NKAIN2: variants seen among roughly 807,000 people sequenced by gnomAD.
NKAIN2 encodes the protein sodium/potassium transporting ATPase interacting 2.
A neutral mutation model predicts 32.6 loss-of-function variants in NKAIN2; 14 were observed. The ratio of observed to expected loss-of-function variants is 0.43; its 90% CI spans 0.28 to 0.67. The LOEUF is 0.67. NKAIN2 is among the 30% of genes least tolerant of loss of function. The pLI is 0.17. For missense variants in NKAIN2, 198 were observed against 258.3 expected (o/e 0.77, Z 1.60); for synonymous variants, 80 against 87.2 (o/e 0.92, Z 0.46).
intron 1 of NKAIN2, among the ~76,000 whole-genome samples, chr6:124,211,648 G>A (rs1174071234): frequency 6.6e-6 from 1 of 151,984 alleles, no homozygotes; most frequent in East Asian, 1.9e-4. Flanking sequence ...TGTAATAGCT[G>A]TTGTCCATAG....
intron 1 of NKAIN2, among the ~76,000 whole-genome samples, chr6:124,074,999 T>G (rs1360140177): frequency 6.6e-6 from 1 of 152,158 alleles, no homozygotes; most frequent in Non-Finnish European, 1.5e-5. Context: ...ATTAGAATAA[T>G]GAAGGATGAA....
At chr6:124,385,369 T>C (rs1372078375) in intron 3 of NKAIN2, among the ~76,000 whole-genome samples, 1 of 152,060 alleles carries the variant, frequency 6.6e-6, no homozygotes, top group Non-Finnish European at 1.5e-5. Flanking sequence ...TATAGACCTG[T>C]TGGGAGGCTT....
chr6:123,881,028 T>C (rs933426248), intron 1 of NKAIN2, among the ~76,000 whole-genome samples: 2 of 152,094 alleles, frequency 1.3e-5, no homozygotes, highest in Non-Finnish European at 2.9e-5. Flanking sequence ...CCACAAATGG[T>C]GTACTGAGTT....
intron 3 of NKAIN2, among the ~76,000 whole-genome samples, chr6:124,558,798 A>C (rs1780573682): frequency 1.3e-5 from 2 of 152,092 alleles, no homozygotes; most frequent in South Asian, 4.1e-4. Flanking sequence ...AAATACAAAA[A>C]ATTAGCCGGG....
chr6:124,664,665 G>T (rs988816562), intron 4 of NKAIN2, among the ~76,000 whole-genome samples: 3 of 148,290 alleles, frequency 2.0e-5, no homozygotes, highest in African/African-American at 7.4e-5. Context: ...GTAGTGGCGG[G>T]CGCCTGTAGT....
intron 4 of NKAIN2, among the ~76,000 whole-genome samples, chr6:124,738,067 A>G (rs1040185402): frequency 9.2e-5 from 14 of 151,946 alleles, no homozygotes; most frequent in Non-Finnish European, 1.9e-4. Flanking sequence ...CAAAGAGCCA[A>G]TGTTAATCAC....
intron 2 of NKAIN2, among the ~76,000 whole-genome samples, chr6:124,311,725 A>G (rs1796725650): frequency 6.6e-6 from 1 of 152,178 alleles, no homozygotes; most frequent in Admixed American, 6.6e-5. Context: ...TGGTATCGTT[A>G]GTGATTATAA....
At chr6:123,879,508 G>C (rs529167055) in intron 1 of NKAIN2, among the ~76,000 whole-genome samples, 2 of 152,152 alleles carry the variant, frequency 1.3e-5, no homozygotes, top group East Asian at 3.9e-4. Context: ...TAGTGCTCCA[G>C]GTTATTGACA....
rs372249563 is a variant in NKAIN2, at chr6:124,347,907, C to T, written c.193-7360C>T. The stretch of plus-strand genomic sequence containing the variant: ...CTGCGTTCCTTTGGAGGAGGAGAGG[C>T]GCTCTGCTTTTTAGAGTTTCCAGTT... On this transcript the variant is annotated intron_variant, in intron 2 of 6. Coordinates refer to ENST00000368417, the MANE Select transcript of NKAIN2 (RefSeq NM_001040214.3). Among the ~76,000 whole-genome samples the T allele has an allele frequency of 5.7e-3, 873 of 152,290 alleles. 11 individuals are homozygous for T. Among genetic ancestry groups the T allele is most frequent in the East Asian group, 0.051 (264 of 5,172 alleles).
At chr6:124,759,192 T>A (rs1778103799) in intron 4 of NKAIN2, among the ~76,000 whole-genome samples, 1 of 152,120 alleles carries the variant, frequency 6.6e-6, no homozygotes, top group Non-Finnish European at 1.5e-5. Flanking sequence ...CGGTGGCAGA[T>A]CATCTATGTA....
intron 3 of NKAIN2, among the ~76,000 whole-genome samples, chr6:124,587,302 T>C (rs1474627444): frequency 6.6e-6 from 1 of 151,936 alleles, no homozygotes; most frequent in Non-Finnish European, 1.5e-5. Context: ...CTATCTCGGC[T>C]CAATGCAACC....
intron 3 of NKAIN2, among the ~76,000 whole-genome samples, chr6:124,543,656 A>G (rs1044997788): frequency 1.3e-5 from 2 of 152,234 alleles, no homozygotes; most frequent in African/African-American, 4.8e-5. Context: ...ACACAAAAAA[A>G]GCAGGGTAAA....
At chr6:124,764,007 C>G (rs954960674) in intron 4 of NKAIN2, among the ~76,000 whole-genome samples, 3 of 152,124 alleles carry the variant, frequency 2.0e-5, no homozygotes, top group Non-Finnish European at 4.4e-5. Flanking sequence ...TATGATCACC[C>G]TTCACAAAGT....
chr6:123,937,215 C>T (rs1261967765), intron 1 of NKAIN2, among the ~76,000 whole-genome samples: 1 of 152,226 alleles, frequency 6.6e-6, no homozygotes, highest in Middle Eastern at 3.4e-3. Flanking sequence ...CCTCAGGAAT[C>T]ACCTCTTCTA....
chr6:124,681,431 T>C (rs1356920691), intron 4 of NKAIN2, among the ~76,000 whole-genome samples: 1 of 152,018 alleles, frequency 6.6e-6, no homozygotes, highest in Non-Finnish European at 1.5e-5. Flanking sequence ...CCTGATTGAA[T>C]ATAAATTATA....
chr6:124,648,388 TAGGG>T (rs1784251918), intron 3 of NKAIN2, among the ~76,000 whole-genome samples: 1 of 152,014 alleles, frequency 6.6e-6, no homozygotes, highest in African/African-American at 2.4e-5. Context: ...ATCTCAAAAA[TAGGG>T]AGAAAAAATT....
chr6:124,054,377 C>G (rs1170151079), intron 1 of NKAIN2, among the ~76,000 whole-genome samples: 1 of 152,010 alleles, frequency 6.6e-6, no homozygotes, highest in Non-Finnish European at 1.5e-5. Context: ...GCTATAACAG[C>G]AGACATCAGG....
chr6:123,912,641 T>C (rs1775273957), intron 1 of NKAIN2, among the ~76,000 whole-genome samples: 1 of 152,152 alleles, frequency 6.6e-6, no homozygotes, highest in Admixed American at 6.5e-5. Context: ...CCTCTCTCTC[T>C]TGCTTCCTCT....
At chr6:124,545,432 A>G (rs902330745) in intron 3 of NKAIN2, among the ~76,000 whole-genome samples, 1 of 152,104 alleles carries the variant, frequency 6.6e-6, no homozygotes, top group African/African-American at 2.4e-5. Context: ...GGTAGCATCA[A>G]AAACATTTTG....
Sources: gnomAD v4.1 joint callset for allele counts (sites outside exome capture counted in the v4.1 genomes callset) on GRCh38, gnomAD v4.1.1 for gene constraint, MANE v1.5 for transcripts, NCBI Gene and HGNC (gene_info 2026-07-23, HGNC 2026-07-21) for gene names.